MMRN1: variants seen among roughly 807,000 people sequenced by gnomAD.
MMRN1 encodes multimerin-1.
Under a neutral mutation model 100.7 loss-of-function variants are expected in MMRN1, and 94 were observed. The ratio of observed to expected loss-of-function variants is 0.93; its 90% CI spans 0.79 to 1.11. The LOEUF is 1.11. Ranked by LOEUF, MMRN1 falls within the 50% of genes least tolerant of loss-of-function variation. The probability of loss-of-function intolerance (pLI) is 0.00; values close to 1 mark genes in which losing one functional copy is unlikely to be tolerated. For missense variants in MMRN1, 1,606 were observed against 1,439.1 expected (o/e 1.12, Z -1.88); for synonymous variants, 575 against 505.0 (o/e 1.14, Z -1.86).
At chr4:89,891,097 G>A (rs958557429), upstream of MMRN1, among the ~76,000 whole-genome samples, 6 of 151,704 alleles carry the variant, frequency 4.0e-5, no homozygotes, top group Non-Finnish European at 5.9e-5. Flanking sequence ...TGGCTGTGAC[G>A]GCTTCAAAAT....
intron 6 of MMRN1, among the ~76,000 whole-genome samples, chr4:89,951,228 C>T (rs1394694907): frequency 1.3e-5 from 2 of 152,124 alleles, no homozygotes; most frequent in Non-Finnish European, 2.9e-5. Flanking sequence ...ACCACCTTAG[C>T]ACCATGTATC....
chr4:89,941,505 T>C lies in MMRN1; in HGVS notation c.3118+4707T>C, dbSNP rs1384181133. ...ATTCTGCCCATACAAGCCCATCAGA[T>C]ACTCAGCACTTAGTTTTACTGGGGG... On this transcript the variant is annotated intron_variant, in intron 6 of 7. Coordinates refer to ENST00000264790, the MANE Select transcript of MMRN1 (RefSeq NM_007351.3). Among the ~76,000 whole-genome samples the C allele has an allele frequency of 3.9e-5, 6 of 152,306 alleles. No homozygotes were observed. In the South Asian group the frequency reaches 1.2e-3, roughly 32 times the overall value.
At chr4:89,907,258 C>T (rs997008670) in intron 1 of MMRN1, among the ~76,000 whole-genome samples, 17 of 151,594 alleles carry the variant, frequency 1.1e-4, no homozygotes, top group African/African-American at 4.1e-4. Context: ...GATTTAACAA[C>T]ATGTGCCAGC....
chr4:89,919,941 T>A lies in MMRN1; in HGVS notation c.851-3227T>A, dbSNP rs540596440. ...CAAATACAAAAATCATAAGCAATGA[T>A]AAACTGTTCATTCTACTAAAACACT... On this transcript the variant is annotated intron_variant, in intron 3 of 7. Transcript: ENST00000264790. Among the ~76,000 whole-genome samples, 288 of 152,240 alleles carry A rather than the reference T, an allele frequency of 1.9e-3. 1 individual carries two copies. Among genetic ancestry groups the A allele is most frequent in the Non-Finnish European group, 3.2e-3 (217 of 67,986 alleles).
chr4:89,883,145 C>T (rs867854910), intron 1 of MMRN1, among the ~76,000 whole-genome samples: 1 of 151,942 alleles, frequency 6.6e-6, no homozygotes, highest in Non-Finnish European at 1.5e-5. Context: ...TGTAATATTC[C>T]ATTCCTTGTT....
At chr4:89,918,804 T>C (rs1440467022) in intron 3 of MMRN1, among the ~76,000 whole-genome samples, 2 of 151,834 alleles carry the variant, frequency 1.3e-5, no homozygotes, top group Non-Finnish European at 2.9e-5. Flanking sequence ...AATTAAATTT[T>C]CACATACACA....
At chr4:89,939,933 C>A (rs1467577937) in intron 6 of MMRN1, among the ~76,000 whole-genome samples, 1 of 152,102 alleles carries the variant, frequency 6.6e-6, no homozygotes, top group Non-Finnish European at 1.5e-5. Flanking sequence ...CAGATAGTCA[C>A]AAGATCTTCC....
chr4:89,909,938 T>C (rs530951295), intron 2 of MMRN1, among the ~76,000 whole-genome samples: 1 of 151,558 alleles, frequency 6.6e-6, no homozygotes. Context: ...GTCTATGCTG[T>C]TGTCCTAAAA....
At position 89,935,401 on chromosome 4, in the gene MMRN1, T is replaced by C. The variant is rs1722583567; in HGVS notation, c.1721T>C (p.Ile574Thr). The change falls in exon 6 of 8, where the codon ATT (isoleucine) becomes ACT (threonine). Residue 574 changes from isoleucine (I) to threonine (T), a missense_variant. Transcript: ENST00000264790. ...FEDLHIQESK[I>T]NNLTVSLEME... ...GATTTGCACATTCAAGAAAGCAAGA[T>C]TAACAATCTCACCGTCTCTTTGGAG... 1.2e-6 allele frequency: 2 copies of C among 1,613,310 alleles called. No homozygotes were observed. Among genetic ancestry groups the C allele is most frequent in the Non-Finnish European group, 1.7e-6 (2 of 1,179,736 alleles).
At chr4:89,884,859 A>G (rs1720903006) in intron 1 of MMRN1, among the ~76,000 whole-genome samples, 1 of 152,152 alleles carries the variant, frequency 6.6e-6, no homozygotes, top group African/African-American at 2.4e-5. Context: ...TCATCCTGCT[A>G]ATTTCTTTTA....
rs996531202 is a variant in MMRN1 at position 89,951,902 on chromosome 4, C to T, written c.3265+151C>T. The stretch of plus-strand genomic sequence containing the variant: ...TTTTCGAAACTTACTGAAGAATGTA[C>T]CTGATTTACAAGTGGAAATGTCCTT... On this transcript the variant is annotated intron_variant, in intron 7 of 7. Transcript: ENST00000264790. 6 of 904,276 alleles carry T rather than the reference C, an allele frequency of 6.6e-6. No individual in the cohort carries two copies. The African/African-American group carries it at 7.0e-5, about 11-fold the overall frequency. The allele number at this position is 904,276 out of a possible 1,614,324, so 56.0% of individuals were successfully genotyped here. A position where few individuals can be genotyped will look rare whatever the true frequency, so the allele number is the denominator to read the frequency against.
At position 89,895,200 on chromosome 4, in the gene MMRN1, A is replaced by G; in HGVS notation, c.229A>G (p.Ser77Gly). Residue 77 changes from serine (S) to glycine (G), a missense_variant, in exon 1 of 8, where the codon AGT becomes GGT. Ser to Gly is a moderately conservative substitution (Grantham distance 56, BLOSUM62 0). Coordinates refer to ENST00000264790, the MANE Select transcript of MMRN1 (RefSeq NM_007351.3). ...TCCAGAGGCAAGAACTTCTGAAGAC[A>G]GTCTTCTTAAATCAACACTGCCTCC... ...TTPEARTSED[S>G]LLKSTLPPSE... 6.2e-7 allele frequency: 1 copy of G among 1,613,872 alleles called. No individual in the cohort carries two copies. Among genetic ancestry groups the G allele is most frequent in the Non-Finnish European group, 8.5e-7 (1 of 1,179,912 alleles).
chr4:89,896,183 CTT>C (rs1370273737), intron 1 of MMRN1, among the ~76,000 whole-genome samples: 7 of 152,206 alleles, frequency 4.6e-5, no homozygotes, highest in African/African-American at 1.7e-4. Context: ...AAAAATAAAA[CTT>C]TGCAGGGTTC....
chr4:89,940,798 A>T (rs1722799271), intron 6 of MMRN1, among the ~76,000 whole-genome samples: 1 of 152,198 alleles, frequency 6.6e-6, no homozygotes, highest in Non-Finnish European at 1.5e-5. Flanking sequence ...ATATGCTTTT[A>T]TTTTCTCAAC....
At chr4:89,950,488 T>A (rs1276890577) in intron 6 of MMRN1, among the ~76,000 whole-genome samples, 3 of 152,166 alleles carry the variant, frequency 2.0e-5, no homozygotes, top group African/African-American at 7.2e-5. Flanking sequence ...TTCCCTTATA[T>A]TGACATGACT....
intron 4 of MMRN1, among the ~76,000 whole-genome samples, chr4:89,925,086 T>A (rs924348895): frequency 6.6e-6 from 1 of 151,948 alleles, no homozygotes; most frequent in Non-Finnish European, 1.5e-5. Flanking sequence ...CACCACATTG[T>A]GCTATTAAAT....
At chr4:89,941,612 T>C (rs1055923706) in intron 6 of MMRN1, among the ~76,000 whole-genome samples, 1 of 152,146 alleles carries the variant, frequency 6.6e-6, no homozygotes, top group African/African-American at 2.4e-5. Context: ...GCATAAATCA[T>C]ATTGTTTGTA....
At chr4:89,898,251 A>G (rs1265448428) in intron 1 of MMRN1, among the ~76,000 whole-genome samples, 1 of 152,088 alleles carries the variant, frequency 6.6e-6, no homozygotes, top group African/African-American at 2.4e-5. Context: ...GTACTCTACT[A>G]TTGTCAGTGA....
At chr4:89,924,907 CATA>C (rs1305667776) in intron 4 of MMRN1, among the ~76,000 whole-genome samples, 1 of 151,938 alleles carries the variant, frequency 6.6e-6, no homozygotes, top group Non-Finnish European at 1.5e-5. Context: ...TTTGTGGGTA[CATA>C]GTAGGTGTAT....
Sources: allele counts gnomAD v4.1 joint callset (sites outside exome capture counted in the v4.1 genomes callset), GRCh38; gene constraint gnomAD v4.1.1; transcripts MANE v1.5; gene names NCBI Gene and HGNC (gene_info 2026-07-23, HGNC 2026-07-21).